The following SNTG2 variants were observed in gnomAD, a reference collection of about 807,000 sequenced individuals.
SNTG2 encodes syntrophin gamma 2.
SNTG2 carries 74 observed loss-of-function variants against 70.9 expected under a neutral mutation model. The ratio of observed to expected loss-of-function variants is 1.04; its 90% CI spans 0.86 to 1.27. The LOEUF (loss-of-function observed/expected upper bound fraction) is 1.27, where lower values mean the gene tolerates loss of function less well. Ranked by LOEUF, SNTG2 falls within the 50% of genes most tolerant of loss-of-function variation. SNTG2 has a pLI of 0.00. For missense variants in SNTG2, 717 were observed against 690.7 expected, an observed-to-expected ratio of 1.04 and a Z score of -0.43; for synonymous variants, 278 against 273.8, an observed-to-expected ratio of 1.02 and a Z score of -0.15.
chr2:1,320,219 T>C (rs1681455799), intron 16 of SNTG2, among the ~76,000 whole-genome samples: 1 of 152,104 alleles, frequency 6.6e-6, no homozygotes, highest in South Asian at 2.1e-4. Context: ...GAAATATTCC[T>C]ACCATCCATT....
At chr2:1,030,643 A>G (rs538754382) in intron 1 of SNTG2, among the ~76,000 whole-genome samples, 59 of 152,324 alleles carry the variant, frequency 3.9e-4, no homozygotes, top group Admixed American at 1.3e-3. Flanking sequence ...GGTGAAGGGT[A>G]CTGAGCACTG....
intron 7 of SNTG2, among the ~76,000 whole-genome samples, chr2:1,168,447 C>T (rs963096577): frequency 6.6e-6 from 1 of 152,216 alleles, no homozygotes; most frequent in African/African-American, 2.4e-5. Context: ...ATCTCTATGG[C>T]ACCCCCGCCA....
intron 15 of SNTG2, among the ~76,000 whole-genome samples, chr2:1,312,047 A>G (rs1681019530): frequency 6.6e-6 from 1 of 152,006 alleles, no homozygotes; most frequent in Non-Finnish European, 1.5e-5. Context: ...AAGACAAGCA[A>G]TTATTTCCCA....
At chr2:1,134,979 C>CA (rs1326597434) in intron 4 of SNTG2, among the ~76,000 whole-genome samples, 5 of 152,186 alleles carry the variant, frequency 3.3e-5, no homozygotes, top group Admixed American at 2.6e-4. Flanking sequence ...CTAAGCCCCT[C>CA]ATTGAGACAG....
Position 1,291,925 on chromosome 2 carries a change from G to A in SNTG2, c.1285-16569G>A, listed in dbSNP as rs184391965. Among the ~76,000 whole-genome samples the A allele has an allele frequency of 4.5e-3, 686 of 152,268 alleles. 7 individuals carry two copies. Among genetic ancestry groups the A allele is most frequent in the African/African-American group, 0.015 (644 of 41,562 alleles). On this transcript the variant is annotated intron_variant, in intron 14 of 16. Transcript: ENST00000308624. ...ATTGAATTTGCAGATAGCTTTGAGTGGTATGGACATCCGAACATCATTAAG... is the reference window on the plus strand; with the variant it reads ...ATTGAATTTGCAGATAGCTTTGAGTAGTATGGACATCCGAACATCATTAAG...
chr2:978,714 G>T (rs1204192414), intron 1 of SNTG2, among the ~76,000 whole-genome samples: 1 of 152,190 alleles, frequency 6.6e-6, no homozygotes, highest in Non-Finnish European at 1.5e-5. Context: ...ATATTTTAAT[G>T]TGTGCAATAA....
intron 1 of SNTG2, among the ~76,000 whole-genome samples, chr2:1,079,490 G>A (rs1015912308): frequency 1.3e-5 from 2 of 152,172 alleles, no homozygotes; most frequent in African/African-American, 4.8e-5. Context: ...GCAGAAGTTA[G>A]GTTTATTTCA....
chr2:1,105,455 T>G lies in SNTG2; in HGVS notation c.325+7045T>G, dbSNP rs566438538. 6.7e-4 allele frequency among the ~76,000 whole-genome samples: 102 copies of G among 152,326 alleles called. 1 individual carries two copies. The highest frequency in any genetic ancestry group is 2.4e-3 in the African/African-American group (100 of 41,574). On this transcript the variant is annotated intron_variant, in intron 4 of 16. Transcript: ENST00000308624. The stretch of plus-strand genomic sequence containing the variant: ...TTTAATTCACCGCTTTAGTGAGGTG[T>G]GTGCACCCGCCAAGGCTCACACGTC...
At chr2:1,071,127 C>T (rs1322205103) in intron 1 of SNTG2, among the ~76,000 whole-genome samples, 1 of 152,072 alleles carries the variant, frequency 6.6e-6, no homozygotes, top group Non-Finnish European at 1.5e-5. Context: ...CTCACTTCTA[C>T]CTTAAAAACT....
At chr2:1,141,816 T>C (rs1668770097) in intron 6 of SNTG2, among the ~76,000 whole-genome samples, 1 of 151,744 alleles carries the variant, frequency 6.6e-6, no homozygotes, top group South Asian at 2.1e-4. Flanking sequence ...CAAGGCGTGT[T>C]TGGGGCCCTG....
intron 1 of SNTG2, among the ~76,000 whole-genome samples, chr2:1,005,824 T>TTAACGTTG (rs1558306088): frequency 2.5e-5 from 2 of 81,514 alleles, no homozygotes; most frequent in Non-Finnish European, 4.7e-5. Flanking sequence ...TATATATATA[T>TTAACGTTG]ATATATATAT....
intron 16 of SNTG2, among the ~76,000 whole-genome samples, chr2:1,355,726 T>C (rs953325897): frequency 6.6e-6 from 1 of 152,204 alleles, no homozygotes; most frequent in Non-Finnish European, 1.5e-5. Flanking sequence ...CTAAGTCATC[T>C]CGTGGTTGTC....
chr2:971,178 T>C (rs1660728065), intron 1 of SNTG2, among the ~76,000 whole-genome samples: 1 of 152,240 alleles, frequency 6.6e-6, no homozygotes. Flanking sequence ...GGAATCCTTC[T>C]TCTGCAATGT....
intron 1 of SNTG2, among the ~76,000 whole-genome samples, chr2:964,433 TA>T (rs1336944694): frequency 9.9e-5 from 15 of 152,204 alleles, no homozygotes; most frequent in African/African-American, 3.6e-4. Flanking sequence ...TTTAACATTT[TA>T]CTTCCAGGAG....
At chr2:951,445 G>A (rs1237502128) in intron 1 of SNTG2, among the ~76,000 whole-genome samples, 1 of 152,118 alleles carries the variant, frequency 6.6e-6, no homozygotes, top group Middle Eastern at 3.2e-3. Context: ...CCCAGGCGGT[G>A]GCTCGGACCG....
At chr2:1,102,910 C>T (rs76796029) in intron 4 of SNTG2, among the ~76,000 whole-genome samples, 1,623 of 152,270 alleles carry the variant, frequency 0.011, 12 homozygotes, top group South Asian at 0.026. Context: ...GAATTCTTCG[C>T]GAAGTGGCTC....
intron 1 of SNTG2, among the ~76,000 whole-genome samples, chr2:1,037,729 G>A (rs915952493): frequency 3.3e-5 from 5 of 152,082 alleles, no homozygotes; most frequent in South Asian, 4.2e-4. Context: ...CTTCTACTTC[G>A]CATCATGTTT....
intron 8 of SNTG2, among the ~76,000 whole-genome samples, chr2:1,185,420 A>G (rs1672185989): frequency 6.6e-6 from 1 of 152,068 alleles, no homozygotes; most frequent in African/African-American, 2.4e-5. Flanking sequence ...CCAACCGCAC[A>G]TTTCCCCTCT....
intron 14 of SNTG2, among the ~76,000 whole-genome samples, chr2:1,280,376 G>C (rs1384333668): frequency 2.0e-5 from 3 of 152,250 alleles, no homozygotes; most frequent in South Asian, 4.2e-4. Context: ...ATCTCTTTCA[G>C]AGCTGGTTCA....
Sources: gnomAD v4.1 joint callset for allele counts (sites outside exome capture counted in the v4.1 genomes callset) on GRCh38, gnomAD v4.1.1 for gene constraint, MANE v1.5 for transcripts, NCBI Gene and HGNC (gene_info 2026-07-23, HGNC 2026-07-21) for gene names.